PRDM6: variants seen among roughly 807,000 people sequenced by gnomAD.
PRDM6 encodes the protein putative histone-lysine N-methyltransferase PRDM6.
In PRDM6, 25 loss-of-function variants were observed where a neutral mutation model predicts 60.8. The ratio of observed to expected loss-of-function variants is 0.41; its 90% CI spans 0.30 to 0.57. The LOEUF (loss-of-function observed/expected upper bound fraction) is 0.57, where lower values mean the gene tolerates loss of function less well. Ranked by LOEUF, PRDM6 falls within the 20% of genes least tolerant of loss-of-function variation. The probability of loss-of-function intolerance (pLI) is 0.27; values close to 1 mark genes in which losing one functional copy is unlikely to be tolerated. For synonymous variants in PRDM6, 407 were observed against 357.4 expected, an observed-to-expected ratio of 1.14 and a Z score of -1.57; for missense variants, 839 against 821.3, an observed-to-expected ratio of 1.02 and a Z score of -0.26.
At chr5:123,100,333 C>T (rs1764072897) in intron 3 of PRDM6, among the ~76,000 whole-genome samples, 1 of 152,168 alleles carries the variant, frequency 6.6e-6, no homozygotes, top group Non-Finnish European at 1.5e-5. Context: ...GGAGGGTGGG[C>T]ATTAGAATGT....
At chr5:123,107,696 A>G (rs1226321310) in intron 3 of PRDM6, among the ~76,000 whole-genome samples, 1 of 152,220 alleles carries the variant, frequency 6.6e-6, no homozygotes, top group African/African-American at 2.4e-5. Flanking sequence ...TGTTTAACAC[A>G]GTGTTGGGAA....
At chr5:123,117,761 C>T (rs1243063883) in intron 3 of PRDM6, among the ~76,000 whole-genome samples, 4 of 104,994 alleles carry the variant, frequency 3.8e-5, no homozygotes, top group Admixed American at 3.7e-4. Flanking sequence ...ATGTGAAGGC[C>T]TAAACAGCAT....
chr5:123,155,797 G>GC, intron 3 of PRDM6, 87 bp from the exon 4 acceptor site: 1 of 1,446,152 alleles, frequency 6.9e-7, no homozygotes, highest in Non-Finnish European at 9.2e-7. Context: ...AATTTCTGCA[G>GC]CTGACACATA....
intron 3 of PRDM6, among the ~76,000 whole-genome samples, chr5:123,103,376 G>A (rs1764144630): frequency 6.6e-6 from 1 of 151,932 alleles, no homozygotes; most frequent in Non-Finnish European, 1.5e-5. Flanking sequence ...AACATTACAA[G>A]GTGCATCAGA....
At chr5:123,108,230 T>C (rs1310012332) in intron 3 of PRDM6, among the ~76,000 whole-genome samples, 1 of 152,196 alleles carries the variant, frequency 6.6e-6, no homozygotes, top group African/African-American at 2.4e-5. Flanking sequence ...ATGAAGTATC[T>C]TCTATAGAAA....
chr5:123,140,359 G>A (rs1177806225), intron 3 of PRDM6, among the ~76,000 whole-genome samples: 1 of 151,880 alleles, frequency 6.6e-6, no homozygotes, highest in Non-Finnish European at 1.5e-5. Context: ...TATTGCCATG[G>A]CAGCTATATT....
intron 6 of PRDM6, among the ~76,000 whole-genome samples, chr5:123,175,649 C>G (rs1321319568): frequency 6.6e-6 from 1 of 152,194 alleles, no homozygotes; most frequent in Non-Finnish European, 1.5e-5. Context: ...TAAGTAATCT[C>G]TCTTTGAAGT....
chr5:123,156,298 C>T (rs2126873050), intron 4 of PRDM6, among the ~76,000 whole-genome samples: 1 of 152,242 alleles, frequency 6.6e-6, no homozygotes, highest in East Asian at 1.9e-4. Flanking sequence ...TGAATGAGCC[C>T]AGCAAACCCA....
chr5:123,118,332 T>C (rs999184139), intron 3 of PRDM6, among the ~76,000 whole-genome samples: 1 of 152,186 alleles, frequency 6.6e-6, no homozygotes, highest in Non-Finnish European at 1.5e-5. Context: ...TAGGCTGATA[T>C]TAAGAAATAA....
chr5:123,090,636 C>G, intron 2 of PRDM6, 30 bp downstream of exon 2: 1 of 1,336,740 alleles, frequency 7.5e-7, no homozygotes, highest in Non-Finnish European at 9.6e-7. Flanking sequence ...GCGCTCTCTC[C>G]CGGGGCGCCG....
intron 3 of PRDM6, among the ~76,000 whole-genome samples, chr5:123,122,191 T>G (rs757141840): frequency 1.8e-5 from 2 of 112,558 alleles, no homozygotes; most frequent in Non-Finnish European, 3.7e-5. Flanking sequence ...AAAAAAGAAT[T>G]CCTGAGTCTC....
chr5:123,163,987 C>G (rs954387542), intron 5 of PRDM6, among the ~76,000 whole-genome samples: 1 of 152,112 alleles, frequency 6.6e-6, no homozygotes, highest in African/African-American at 2.4e-5. Flanking sequence ...GTTCCACCAA[C>G]AGCGAGAAAC....
rs555887920 is a variant in PRDM6 at position 123,130,510 on chromosome 5, C to G, written c.901-25374C>G. On this transcript the variant is annotated intron_variant, in intron 3 of 7. Transcript: ENST00000407847. Reference sequence around the variant, plus strand: ...TACACATATGTTTTTTGGTTAGAATCAGGCACACAGAATCTTTTTGTAGTG... The same window carrying G: ...TACACATATGTTTTTTGGTTAGAATGAGGCACACAGAATCTTTTTGTAGTG... 1.2e-4 allele frequency among the ~76,000 whole-genome samples: 18 copies of G among 151,362 alleles called. No homozygotes were observed. In the East Asian group the frequency reaches 1.8e-3, roughly 15 times the overall value.
At position 123,193,275 on chromosome 5, in the gene PRDM6, C is replaced by T. The variant is rs1265521771; in HGVS notation, c.*6074C>T. On this transcript the variant is annotated 3_prime_UTR_variant, in exon 8 of 8. Transcript: ENST00000407847. ...TTGGTACATCACTCCCAACTGAAAA[C>T]AGTCTAGATATAAACTTTAACAAGC... The T allele has an allele frequency of 2.0e-5, 3 of 152,174 alleles. No individual in the cohort carries two copies. Among genetic ancestry groups the T allele is most frequent in the Non-Finnish European group, 4.4e-5 (3 of 68,048 alleles). The allele number at this position is 152,174 out of a possible 1,614,324, so 9.4% of individuals were successfully genotyped here.
At chr5:123,143,784 G>A (rs1312021867) in intron 3 of PRDM6, among the ~76,000 whole-genome samples, 1 of 152,046 alleles carries the variant, frequency 6.6e-6, no homozygotes, top group African/African-American at 2.4e-5. Flanking sequence ...TGCCAAAATA[G>A]GGTTACAAAA....
intron 3 of PRDM6, among the ~76,000 whole-genome samples, chr5:123,143,154 T>A (rs1234172131): frequency 6.8e-6 from 1 of 147,252 alleles, no homozygotes; most frequent in African/African-American, 2.4e-5. Flanking sequence ...TTAAAGTGTG[T>A]GTGTGTGTGT....
chr5:123,166,736 A>C (rs1765761207), intron 5 of PRDM6, among the ~76,000 whole-genome samples: 1 of 152,238 alleles, frequency 6.6e-6, no homozygotes, highest in South Asian at 2.1e-4. Context: ...ATGAACGAGG[A>C]AGGGGTAAAC....
chr5:123,132,397 TG>T (rs1459709179), intron 3 of PRDM6, among the ~76,000 whole-genome samples: 2 of 144,450 alleles, frequency 1.4e-5, no homozygotes, highest in Admixed American at 1.4e-4. Context: ...GCAAGTTATG[TG>T]GGTGGTTGTG....
intron 3 of PRDM6, among the ~76,000 whole-genome samples, chr5:123,112,856 A>G (rs1224882454): frequency 8.9e-6 from 1 of 112,410 alleles, no homozygotes; most frequent in East Asian, 2.6e-4. Context: ...ATTTAAATTT[A>G]TGAAGTCAAT....
Sources: allele counts gnomAD v4.1 joint callset (sites outside exome capture counted in the v4.1 genomes callset), GRCh38; gene constraint gnomAD v4.1.1; transcripts MANE v1.5; gene names NCBI Gene and HGNC (gene_info 2026-07-23, HGNC 2026-07-21).